Variants in BEND4 observed in about 807,000 individuals in gnomAD.
BEND4 encodes the protein BEN domain-containing protein 4.
A neutral mutation model predicts 54.7 loss-of-function variants in BEND4; 27 were observed. That is an observed-to-expected ratio of 0.49 (90% confidence interval 0.36 to 0.68). The LOEUF (loss-of-function observed/expected upper bound fraction) is 0.68. Among genes scored for constraint, BEND4 ranks in the 30% least tolerant of loss-of-function variants. The probability of loss-of-function intolerance (pLI) is 0.00; values close to 1 mark genes in which losing one functional copy is unlikely to be tolerated. For missense variants in BEND4, 702 were observed against 697.2 expected, an observed-to-expected ratio of 1.01 and a Z score of -0.08; for synonymous variants, 327 against 299.5, an observed-to-expected ratio of 1.09 and a Z score of -0.95.
chr4:42,149,706 G>A (rs1335303945), intron 2 of BEND4, among the ~76,000 whole-genome samples: 1 of 150,774 alleles, frequency 6.6e-6, no homozygotes, highest in Non-Finnish European at 1.5e-5. Flanking sequence ...AGAACATTTA[G>A]AACAAGGTGA....
intron 3 of BEND4, among the ~76,000 whole-genome samples, chr4:42,142,457 T>TAA (rs199780215): frequency 1.7e-5 from 2 of 119,304 alleles, no homozygotes; most frequent in African/African-American, 8.5e-5. Flanking sequence ...CTATCTCTAC[T>TAA]AAAAAAAATA....
rs928294231 is a variant in BEND4 at position 42,115,604 on chromosome 4, G to A, written c.*1914C>T. On this transcript the variant is annotated 3_prime_UTR_variant, in exon 6 of 6. Coordinates refer to ENST00000502486, the MANE Select transcript of BEND4 (RefSeq NM_207406.4). ...AAAATTAAGGTAAGATGGAAAAACA[G>A]ATGAGGCTATGGTGGTGTTTTTCTT... is the stretch of plus-strand genomic sequence containing the variant. The A allele has an allele frequency of 6.6e-6, 1 of 152,328 alleles. No homozygotes were observed. Among genetic ancestry groups the A allele is most frequent in the African/African-American group, 2.4e-5 (1 of 41,588 alleles). The allele number at this position is 152,328 out of a possible 1,614,324, so 9.4% of individuals were successfully genotyped here.
intron 3 of BEND4, among the ~76,000 whole-genome samples, chr4:42,129,391 C>G (rs1489988261): frequency 2.0e-5 from 3 of 152,198 alleles, no homozygotes; most frequent in African/African-American, 7.2e-5. Flanking sequence ...CATTAACCTA[C>G]CATTGACATT....
Position 42,117,183 on chromosome 4 carries a change from T to C in BEND4, c.*335A>G, listed in dbSNP as rs566089764. On this transcript the variant is annotated 3_prime_UTR_variant, in exon 6 of 6. Coordinates refer to ENST00000502486, the MANE Select transcript of BEND4 (RefSeq NM_207406.4). ...GGCAGAAACACTACCCCAGCCTACCTTGGGGACTATCTCTGCCCAGGTAGC... is the reference window on the plus strand; with the variant it reads ...GGCAGAAACACTACCCCAGCCTACCCTGGGGACTATCTCTGCCCAGGTAGC... 6 of 191,194 alleles carry C rather than the reference T, an allele frequency of 3.1e-5. No homozygotes were observed. The East Asian group carries it at 4.4e-4, about 14-fold the overall frequency. 11.8% of individuals were successfully genotyped at this position (191,194 alleles called of 1,614,324 possible).
chr4:42,150,121 A>G (rs1030310343), intron 2 of BEND4, among the ~76,000 whole-genome samples: 1 of 152,234 alleles, frequency 6.6e-6, no homozygotes, highest in Admixed American at 6.5e-5. Flanking sequence ...GCCTAGAAAT[A>G]AACACATGCC....
At chr4:42,145,621 G>A (rs1484696872) in intron 2 of BEND4, among the ~76,000 whole-genome samples, 12 of 149,728 alleles carry the variant, frequency 8.0e-5, no homozygotes, top group Admixed American at 2.7e-4. Context: ...GAACCCAGAA[G>A]ACAGAGGTTG....
rs1055077177 is a variant in BEND4, at chr4:42,125,458, C to A, written c.1146+125G>T. The A allele has an allele frequency of 4.1e-5, 29 of 699,034 alleles. No individual in the cohort carries two copies. In the Middle Eastern group the frequency reaches 1.3e-3, roughly 32 times the overall value. The allele number at this position is 699,034 out of a possible 1,614,324, so 43.3% of individuals were successfully genotyped here. On this transcript the variant is annotated intron_variant, in intron 4 of 5. Transcript: ENST00000502486. ...CCACAAATTACATACTTACAGGCAA[C>A]AGACCCATAAACCTCAGTCAAAAAC... is the stretch of plus-strand genomic sequence containing the variant.
chr4:42,142,858 C>G (rs1308631833), intron 3 of BEND4, among the ~76,000 whole-genome samples: 1 of 151,950 alleles, frequency 6.6e-6, no homozygotes, highest in Non-Finnish European at 1.5e-5. Flanking sequence ...AGTGTATATG[C>G]TAAAGACGTT....
chr4:42,118,541 G>GT (rs1719934950), intron 5 of BEND4, among the ~76,000 whole-genome samples: 1 of 152,222 alleles, frequency 6.6e-6, no homozygotes, highest in African/African-American at 2.4e-5. Context: ...AGGCATCAGT[G>GT]TGACAGTGGC....
chr4:42,151,584 GC>G (rs1382325685), intron 2 of BEND4, 72 bp downstream of exon 2: 1 of 1,382,480 alleles, frequency 7.2e-7, no homozygotes, highest in Non-Finnish European at 9.3e-7. Context: ...GCGGCCCCCC[GC>G]TTCTCCTTCC....
Position 42,120,192 on chromosome 4 carries a change from A to G in BEND4, c.1249T>C (p.Tyr417His), listed in dbSNP as rs1028215152. ...GTTGTGAAAACAAATCTGATGAGGT[A>G]TCGAAGGAGCCGTCTCCCATCTTTC... ...SKKDGRRLLR[Y>H]LIRFVFTTDE... Residue 417 changes from tyrosine (Y) to histidine (H), a missense_variant, in exon 5 of 6, where the codon TAC becomes CAC. By Grantham distance (83) the Tyr-to-His change is moderately conservative (BLOSUM62 2). Transcript: ENST00000502486. The G allele has an allele frequency of 6.2e-7, 1 of 1,613,900 alleles. No homozygotes were observed. The highest frequency in any genetic ancestry group is 8.5e-7 in the Non-Finnish European group (1 of 1,179,902).
intron 3 of BEND4, among the ~76,000 whole-genome samples, chr4:42,137,631 T>C (rs1720739667): frequency 6.6e-6 from 1 of 151,938 alleles, no homozygotes; most frequent in African/African-American, 2.4e-5. Flanking sequence ...ATTTTAAACA[T>C]GGAACTGCAT....
rs1375499266 is a variant in BEND4 at position 42,111,007 on chromosome 4, G to C, written c.*6511C>G. On this transcript the variant is annotated 3_prime_UTR_variant, in exon 6 of 6. Coordinates refer to ENST00000502486, the MANE Select transcript of BEND4 (RefSeq NM_207406.4). The stretch of plus-strand genomic sequence containing the variant: ...AACACGTGGCATTCTAGAGGTATAT[G>C]AGGTAATAAAATCAACACTCCAATT... The C allele has an allele frequency of 1.3e-5, 2 of 152,190 alleles. No individual in the cohort carries two copies. Among genetic ancestry groups the C allele is most frequent in the African/African-American group, 4.8e-5 (2 of 41,442 alleles). 9.4% of individuals were successfully genotyped at this position (152,190 alleles called of 1,614,324 possible).
intron 3 of BEND4, among the ~76,000 whole-genome samples, chr4:42,132,324 G>A (rs976920628): frequency 2.0e-5 from 3 of 152,244 alleles, no homozygotes; most frequent in African/African-American, 4.8e-5. Flanking sequence ...AGGGAAGAGA[G>A]AGTGAGTCTT....
intron 3 of BEND4, among the ~76,000 whole-genome samples, chr4:42,130,686 C>A (rs999084124): frequency 2.6e-5 from 4 of 152,060 alleles, no homozygotes; most frequent in Non-Finnish European, 4.4e-5. Context: ...CGAGAAATAC[C>A]ATTTGACCCA....
chr4:42,131,930 T>C (rs7686904), intron 3 of BEND4, among the ~76,000 whole-genome samples: 13,716 of 152,154 alleles, frequency 0.09, 945 homozygotes, highest in African/African-American at 0.19. Flanking sequence ...TGCAAAGGAT[T>C]TGGAAAATCA....
At chr4:42,150,334 C>A (rs7665570) in intron 2 of BEND4, among the ~76,000 whole-genome samples, 18,721 of 146,708 alleles carry the variant, frequency 0.13, 1,196 homozygotes, top group Middle Eastern at 0.18. Context: ...TAAGGAAGTC[C>A]ACCTAAGAAC....
chr4:42,117,023 A>T lies in BEND4; in HGVS notation c.*495T>A, dbSNP rs1719865160. 6.5e-6 allele frequency: 1 copy of T among 152,768 alleles called. No individual in the cohort carries two copies. Among genetic ancestry groups the T allele is most frequent in the African/African-American group, 2.4e-5 (1 of 41,454 alleles). The allele number at this position is 152,768 out of a possible 1,614,324, so 9.5% of individuals were successfully genotyped here. A position where few individuals can be genotyped will look rare whatever the true frequency, so the allele number is the denominator to read the frequency against. On this transcript the variant is annotated 3_prime_UTR_variant, in exon 6 of 6. Coordinates refer to ENST00000502486, the MANE Select transcript of BEND4 (RefSeq NM_207406.4). Reference sequence around the variant, plus strand: ...ATTATTAATGTCAAAATGGTATATGATGTCATCTATCCTATGTCTTTGCCG... The same window carrying T: ...ATTATTAATGTCAAAATGGTATATGTTGTCATCTATCCTATGTCTTTGCCG...
At chr4:42,129,907 G>A (rs1395543204) in intron 3 of BEND4, among the ~76,000 whole-genome samples, 2 of 152,106 alleles carry the variant, frequency 1.3e-5, no homozygotes, top group African/African-American at 4.8e-5. Flanking sequence ...TGACAGATAG[G>A]ATCCAAGTAA....
Sources: gnomAD v4.1 joint callset for allele counts (sites outside exome capture counted in the v4.1 genomes callset) on GRCh38, gnomAD v4.1.1 for gene constraint, MANE v1.5 for transcripts, NCBI Gene and HGNC (gene_info 2026-07-23, HGNC 2026-07-21) for gene names.